CDH13: variants seen among roughly 807,000 people sequenced by gnomAD.
CDH13 encodes cadherin 13, also known as cadherin-13.
CDH13 carries 24 observed loss-of-function variants against 63.8 expected under a neutral mutation model. That is an observed-to-expected ratio of 0.38 (90% CI 0.27 to 0.53). The LOEUF (loss-of-function observed/expected upper bound fraction) is 0.53. Among genes scored for constraint, CDH13 ranks in the 20% least tolerant of loss-of-function variants. The pLI is 0.85. For synonymous variants in CDH13, 503 were observed against 355.3 expected (o/e 1.42, Z -4.67); for missense variants, 1,049 against 903.1 (o/e 1.16, Z -2.07).
At chr16:83,286,753 C>T (rs2089324548) in intron 5 of CDH13, among the ~76,000 whole-genome samples, 1 of 76,844 alleles carries the variant, frequency 1.3e-5, no homozygotes, top group African/African-American at 4.1e-5. Flanking sequence ...GCGACTCTGT[C>T]TCAAAAAAAA....
At chr16:83,716,929 G>C (rs909083855) in intron 10 of CDH13, 1 of 152,070 alleles carries the variant, frequency 6.6e-6, no homozygotes, top group Non-Finnish European at 1.5e-5. Context: ...TTGAAATGGG[G>C]TAACAGCCAT....
intron 3 of CDH13, among the ~76,000 whole-genome samples, chr16:83,064,104 C>G (rs374154907): frequency 6.6e-6 from 1 of 152,188 alleles, no homozygotes; most frequent in African/African-American, 2.4e-5. Context: ...GGTGCGGTGG[C>G]TCATGCCTGT....
At chr16:83,073,213 C>G (rs1241131513) in intron 3 of CDH13, among the ~76,000 whole-genome samples, 2 of 152,032 alleles carry the variant, frequency 1.3e-5, no homozygotes, top group Non-Finnish European at 2.9e-5. Context: ...TACAGGTCGT[C>G]TGGTTCCAGA....
intron 3 of CDH13, among the ~76,000 whole-genome samples, chr16:83,098,527 A>G (rs2034315572): frequency 6.6e-6 from 1 of 152,200 alleles, no homozygotes; most frequent in Admixed American, 6.5e-5. Flanking sequence ...ATTTCTTACA[A>G]TGAGGTTCTG....
At chr16:83,659,401 C>G (rs1458949775) in intron 8 of CDH13, among the ~76,000 whole-genome samples, 2 of 151,846 alleles carry the variant, frequency 1.3e-5, no homozygotes, top group Non-Finnish European at 2.9e-5. Flanking sequence ...TCCTCAACAC[C>G]AGGTCCCATG....
intron 10 of CDH13, among the ~76,000 whole-genome samples, chr16:83,706,705 A>T (rs564346842): frequency 6.6e-6 from 1 of 152,240 alleles, no homozygotes; most frequent in East Asian, 1.9e-4. Flanking sequence ...GTGTGCACAC[A>T]CACACAAGAC....
chr16:83,011,474 T>C (rs1914148039), intron 2 of CDH13, among the ~76,000 whole-genome samples: 1 of 152,132 alleles, frequency 6.6e-6, no homozygotes, highest in Non-Finnish European at 1.5e-5. Context: ...CTCTCACATA[T>C]GGTAATCCCC....
At chr16:82,860,723 G>A (rs530933396) in intron 2 of CDH13, among the ~76,000 whole-genome samples, 33 of 152,054 alleles carry the variant, frequency 2.2e-4, no homozygotes, top group South Asian at 2.1e-4. Context: ...TGAGTATAGA[G>A]CCTGCAGATA....
chr16:82,884,403 T>C lies in CDH13; in HGVS notation c.157+25930T>C, dbSNP rs1306879408. The C allele has an allele frequency of 1.5e-5, 5 of 339,148 alleles. No individual in the cohort carries two copies. In the Admixed American group the frequency reaches 1.9e-4, roughly 13 times the overall value. 21.0% of individuals were successfully genotyped at this position (339,148 alleles called of 1,614,324 possible). A position where few individuals can be genotyped will look rare whatever the true frequency, so the allele number is the denominator to read the frequency against. On this transcript the variant is annotated intron_variant, in intron 2 of 13. Coordinates refer to ENST00000567109, the MANE Select transcript of CDH13 (RefSeq NM_001257.5). ...ACAAGTAACAAAATGAGACTCCTTC[T>C]GTTGTCTGTTGCAGTAGACAAAGCA...
intron 2 of CDH13, among the ~76,000 whole-genome samples, chr16:82,883,974 T>G (rs2040794189): frequency 6.6e-6 from 1 of 152,126 alleles, no homozygotes; most frequent in Non-Finnish European, 1.5e-5. Context: ...AGTTTCCTCC[T>G]CTGTAAAATG....
At chr16:82,725,388 G>C (rs1039852477) in intron 1 of CDH13, among the ~76,000 whole-genome samples, 3 of 152,152 alleles carry the variant, frequency 2.0e-5, no homozygotes, top group Admixed American at 2.0e-4. Flanking sequence ...GTGGGTTCTG[G>C]AGCTGGACTG....
chr16:82,868,270 G>C (rs1166855070), intron 2 of CDH13, among the ~76,000 whole-genome samples: 1 of 152,152 alleles, frequency 6.6e-6, no homozygotes, highest in African/African-American at 2.4e-5. Context: ...ACATTAATAA[G>C]AGTTTTTCCT....
intron 5 of CDH13, among the ~76,000 whole-genome samples, chr16:83,250,975 G>A (rs1190961409): frequency 6.6e-6 from 1 of 152,084 alleles, no homozygotes; most frequent in Non-Finnish European, 1.5e-5. Context: ...TTAAAATATG[G>A]TTTATATGCT....
chr16:83,190,217 G>A (rs753783809), intron 4 of CDH13, among the ~76,000 whole-genome samples: 53 of 152,226 alleles, frequency 3.5e-4, no homozygotes, highest in African/African-American at 7.7e-4. Flanking sequence ...AATGGGTTCC[G>A]CTTGGCTAGA....
intron 1 of CDH13, among the ~76,000 whole-genome samples, chr16:82,776,604 A>G (rs995261033): frequency 6.6e-6 from 1 of 152,202 alleles, no homozygotes; most frequent in Non-Finnish European, 1.5e-5. Context: ...TGTTTTAGGA[A>G]GTGCTGGTTT....
At chr16:83,253,069 A>G (rs756559916) in intron 5 of CDH13, among the ~76,000 whole-genome samples, 3 of 152,184 alleles carry the variant, frequency 2.0e-5, no homozygotes, top group Non-Finnish European at 2.9e-5. Flanking sequence ...TAAGTACTCA[A>G]TAAATAGTGG....
intron 11 of CDH13, among the ~76,000 whole-genome samples, chr16:83,758,873 T>C (rs1232348113): frequency 1.3e-5 from 2 of 152,182 alleles, no homozygotes; most frequent in Non-Finnish European, 2.9e-5. Context: ...TAAGATAATT[T>C]TTGTCTCCCT....
intron 2 of CDH13, among the ~76,000 whole-genome samples, chr16:82,976,868 G>A (rs77565833): frequency 2.0e-5 from 3 of 152,248 alleles, no homozygotes; most frequent in Admixed American, 1.3e-4. Flanking sequence ...GGCTGCATTT[G>A]GTGAGTTGCG....
At chr16:83,492,909 TA>T (rs1171790035) in intron 7 of CDH13, among the ~76,000 whole-genome samples, 1 of 152,218 alleles carries the variant, frequency 6.6e-6, no homozygotes, top group Non-Finnish European at 1.5e-5. Flanking sequence ...ATCAATCCAT[TA>T]AAGCTAAGAC....
Sources: gnomAD v4.1 joint callset for allele counts (sites outside exome capture counted in the v4.1 genomes callset) on GRCh38, gnomAD v4.1.1 for gene constraint, MANE v1.5 for transcripts, NCBI Gene and HGNC (gene_info 2026-07-23, HGNC 2026-07-21) for gene names.